GRIN2B: variants seen among roughly 807,000 people sequenced by gnomAD.
GRIN2B encodes glutamate ionotropic receptor NMDA type subunit 2B.
GRIN2B carries 5 observed loss-of-function variants against 114.5 expected under a neutral mutation model. The ratio of observed to expected loss-of-function variants is 0.04; its 90% CI spans 0.02 to 0.09. The LOEUF is 0.09. Among genes scored for constraint, GRIN2B ranks in the 10% least tolerant of loss-of-function variants. GRIN2B has a pLI of 1.00. For synonymous variants in GRIN2B, 787 were observed against 745.1 expected (o/e 1.06, Z -0.92); for missense variants, 1,108 against 1,943.5 (o/e 0.57, Z 8.08).
chr12:13,838,795 G>A (rs1222386920), intron 3 of GRIN2B, among the ~76,000 whole-genome samples: 1 of 152,202 alleles, frequency 6.6e-6, no homozygotes. Context: ...AGAAATATCT[G>A]TATTTCAGGG....
intron 3 of GRIN2B, among the ~76,000 whole-genome samples, chr12:13,842,129 C>G (rs962518571): frequency 2.0e-5 from 3 of 152,174 alleles, no homozygotes; most frequent in Non-Finnish European, 4.4e-5. Context: ...CAGTATGGGT[C>G]ATGGGACATC....
intron 2 of GRIN2B, among the ~76,000 whole-genome samples, chr12:13,925,039 G>A (rs940854506): frequency 3.3e-5 from 5 of 152,172 alleles, no homozygotes; most frequent in Admixed American, 6.5e-5. Flanking sequence ...AAGAAAATCT[G>A]TGCTTTAACA....
chr12:13,890,753 G>A lies in GRIN2B; in HGVS notation c.-18-24527C>T, dbSNP rs796822496. 7.4e-4 allele frequency among the ~76,000 whole-genome samples: 113 copies of A among 152,240 alleles called. 1 individual carries two copies. Among genetic ancestry groups the A allele is most frequent in the African/African-American group, 2.7e-3 (111 of 41,538 alleles). Reference sequence around the variant, plus strand: ...TAGATCTCTAGGATTGAACATGGAAGGGCCCATGAAATTAAATTCCTGGTC... The same window carrying A: ...TAGATCTCTAGGATTGAACATGGAAAGGCCCATGAAATTAAATTCCTGGTC... On this transcript the variant is annotated intron_variant, in intron 2 of 13. Transcript: ENST00000609686.
chr12:13,813,316 T>C (rs1864767606), intron 3 of GRIN2B, among the ~76,000 whole-genome samples: 1 of 152,138 alleles, frequency 6.6e-6, no homozygotes, highest in Admixed American at 6.5e-5. Context: ...ATTCGAATGC[T>C]AAATATCAGA....
At chr12:13,681,877 C>T (rs1481634150) in intron 4 of GRIN2B, among the ~76,000 whole-genome samples, 3 of 152,018 alleles carry the variant, frequency 2.0e-5, no homozygotes, top group Non-Finnish European at 2.9e-5. Context: ...TACTCTCTAC[C>T]ATGTGAATGG....
intron 5 of GRIN2B, among the ~76,000 whole-genome samples, chr12:13,631,786 T>C (rs1022361865): frequency 6.6e-6 from 1 of 152,192 alleles, no homozygotes; most frequent in Non-Finnish European, 1.5e-5. Context: ...AACAGAATTA[T>C]TGGCCAGGTA....
intron 1 of GRIN2B, among the ~76,000 whole-genome samples, chr12:13,980,603 A>G (rs1863114064): frequency 6.6e-6 from 1 of 151,898 alleles, no homozygotes; most frequent in South Asian, 2.1e-4. Flanking sequence ...ACCTGAATGG[A>G]AGAGGAGAGA....
chr12:13,761,139 A>G (rs191935856), intron 3 of GRIN2B, among the ~76,000 whole-genome samples: 147 of 152,330 alleles, frequency 9.7e-4, no homozygotes, highest in African/African-American at 3.3e-3. Flanking sequence ...AAAGGAGAAC[A>G]TTCTGAGTTT....
chr12:13,826,585 C>T (rs201083899), intron 3 of GRIN2B, among the ~76,000 whole-genome samples: 1 of 152,042 alleles, frequency 6.6e-6, no homozygotes, highest in Non-Finnish European at 1.5e-5. Context: ...TAATATTTTT[C>T]TCTTTATTGC....
chr12:13,884,968 T>C (rs948002524), intron 2 of GRIN2B, among the ~76,000 whole-genome samples: 1 of 152,100 alleles, frequency 6.6e-6, no homozygotes, highest in Non-Finnish European at 1.5e-5. Context: ...TTATTTTGGT[T>C]AGAGTTTGAG....
chr12:13,943,726 A>G (rs1591634408), intron 2 of GRIN2B, among the ~76,000 whole-genome samples: 1 of 152,038 alleles, frequency 6.6e-6, no homozygotes, highest in Non-Finnish European at 1.5e-5. Context: ...GCTCAATGTC[A>G]CCTTATCCAA....
rs577134816 is a variant in GRIN2B, at chr12:13,734,030, G to A, written c.1010+19287C>T. Among the ~76,000 whole-genome samples, 60 of 152,330 alleles carry A rather than the reference G, an allele frequency of 3.9e-4. No homozygotes were observed. The South Asian group carries it at 0.012, about 31-fold the overall frequency. Reference sequence around the variant, plus strand: ...TACCATACAGTCTGGAGGGAAAAGAGAAGGGTCTGCCTAGAGAACAGTTCC... The same window carrying A: ...TACCATACAGTCTGGAGGGAAAAGAAAAGGGTCTGCCTAGAGAACAGTTCC... On this transcript the variant is annotated intron_variant, in intron 4 of 13. Transcript: ENST00000609686.
chr12:13,733,813 T>C (rs1863131012), intron 4 of GRIN2B, among the ~76,000 whole-genome samples: 1 of 152,206 alleles, frequency 6.6e-6, no homozygotes, highest in Non-Finnish European at 1.5e-5. Flanking sequence ...AACTTTGGAA[T>C]CAGAAGGAAC....
chr12:13,719,999 G>C (rs970727140), intron 4 of GRIN2B, among the ~76,000 whole-genome samples: 10 of 152,034 alleles, frequency 6.6e-5, no homozygotes, highest in African/African-American at 2.2e-4. Context: ...TGGGACCTGT[G>C]CAAGGCTGGG....
intron 4 of GRIN2B, among the ~76,000 whole-genome samples, chr12:13,750,772 T>C (rs1863470457): frequency 6.6e-6 from 1 of 152,174 alleles, no homozygotes; most frequent in African/African-American, 2.4e-5. Flanking sequence ...CGTCATTCAC[T>C]TCCGTGTGCC....
chr12:13,816,315 A>G (rs1373903640), intron 3 of GRIN2B, among the ~76,000 whole-genome samples: 1 of 152,224 alleles, frequency 6.6e-6, no homozygotes, highest in Non-Finnish European at 1.5e-5. Flanking sequence ...GGTTATGGAA[A>G]TGACAATTGA....
chr12:13,755,433 G>A (rs1863560111), intron 3 of GRIN2B, among the ~76,000 whole-genome samples: 1 of 152,130 alleles, frequency 6.6e-6, no homozygotes, highest in Admixed American at 6.5e-5. Context: ...AACCCTGGAT[G>A]TTTGGTCATA....
intron 2 of GRIN2B, among the ~76,000 whole-genome samples, chr12:13,926,919 C>T (rs558223137): frequency 1.3e-5 from 2 of 150,558 alleles, no homozygotes; most frequent in South Asian, 4.2e-4. Flanking sequence ...CACCACTGCA[C>T]TCCAGCCTGG....
intron 2 of GRIN2B, among the ~76,000 whole-genome samples, chr12:13,887,467 C>T (rs557832940): frequency 4.6e-5 from 7 of 151,956 alleles, no homozygotes; most frequent in Non-Finnish European, 7.4e-5. Context: ...AAGACTAATA[C>T]GTAGGCATGG....
Sources: allele counts gnomAD v4.1 joint callset (sites outside exome capture counted in the v4.1 genomes callset), GRCh38; gene constraint gnomAD v4.1.1; transcripts MANE v1.5; gene names NCBI Gene and HGNC (gene_info 2026-07-23, HGNC 2026-07-21).